ZRANB3: variants seen among roughly 807,000 people sequenced by gnomAD.
ZRANB3 encodes the protein zinc finger RANBP2-type containing 3, also known as DNA annealing helicase and endonuclease ZRANB3.
Under a neutral mutation model 133.8 loss-of-function variants are expected in ZRANB3, and 125 were observed. The ratio of observed to expected loss-of-function variants is 0.93; its 90% CI spans 0.81 to 1.08. The LOEUF (loss-of-function observed/expected upper bound fraction) is 1.08. ZRANB3 is among the 50% of genes least tolerant of loss of function. The pLI, the probability that ZRANB3 is intolerant of heterozygous loss-of-function variation, is 0.00. For synonymous variants in ZRANB3, 387 were observed against 432.7 expected, an observed-to-expected ratio of 0.89 and a Z score of 1.31; for missense variants, 1,229 against 1,275.5, an observed-to-expected ratio of 0.96 and a Z score of 0.56.
chr2:135,245,328 C>G (rs1271683447), intron 12 of ZRANB3, among the ~76,000 whole-genome samples: 1 of 152,142 alleles, frequency 6.6e-6, no homozygotes, highest in Non-Finnish European at 1.5e-5. Flanking sequence ...TGGTTGAGGT[C>G]TCTTTGACAT....
At chr2:135,516,368 T>C (rs1370736142) in intron 1 of ZRANB3, among the ~76,000 whole-genome samples, 2 of 152,216 alleles carry the variant, frequency 1.3e-5, no homozygotes, top group African/African-American at 2.4e-5. Context: ...GTGTTGATGG[T>C]CTTTACAACT....
intron 17 of ZRANB3, among the ~76,000 whole-genome samples, chr2:135,214,428 T>C (rs1297057646): frequency 6.6e-6 from 1 of 152,048 alleles, no homozygotes; most frequent in East Asian, 1.9e-4. Context: ...TGTCTGACTT[T>C]GGTTTTATGA....
At chr2:135,286,948 GT>G (rs1176550684) in intron 8 of ZRANB3, among the ~76,000 whole-genome samples, 2 of 152,096 alleles carry the variant, frequency 1.3e-5, no homozygotes, top group African/African-American at 4.8e-5. Flanking sequence ...ATTTATCTTT[GT>G]TTTTGTTGCA....
intron 8 of ZRANB3, among the ~76,000 whole-genome samples, chr2:135,293,739 A>C (rs1681885136): frequency 6.7e-6 from 1 of 150,316 alleles, no homozygotes; most frequent in African/African-American, 2.5e-5. Context: ...GGTTTGTCAT[A>C]GATAGCTCTT....
intron 2 of ZRANB3, among the ~76,000 whole-genome samples, chr2:135,471,427 A>C (rs922004371): frequency 1.3e-5 from 2 of 152,218 alleles, no homozygotes; most frequent in African/African-American, 2.4e-5. Flanking sequence ...AAATGTGCAA[A>C]CAACCAAATT....
intron 2 of ZRANB3, among the ~76,000 whole-genome samples, chr2:135,428,795 A>T: frequency 6.6e-6 from 1 of 152,204 alleles, no homozygotes. Flanking sequence ...CCTCAACATC[A>T]CTAATTATTA....
Position 135,217,362 on chromosome 2 carries a change from C to T in ZRANB3, c.2495+103G>A, listed in dbSNP as rs181575612. 1.4e-5 allele frequency: 16 copies of T among 1,111,218 alleles called. No homozygotes were observed. The East Asian group carries it at 4.3e-4, about 30-fold the overall frequency. 68.8% of individuals were successfully genotyped at this position (1,111,218 alleles called of 1,614,324 possible). A position where few individuals can be genotyped will look rare whatever the true frequency, so the allele number is the denominator to read the frequency against. ...TTTTATGCATAATTTTCTCATAACT[C>T]ATCAGGATTTCATTAGTGGTTCCAA... On this transcript the variant is annotated intron_variant, in intron 17 of 20. Coordinates refer to ENST00000264159, the MANE Select transcript of ZRANB3 (RefSeq NM_032143.4).
At chr2:135,259,158 T>A (rs1679815956) in intron 12 of ZRANB3, among the ~76,000 whole-genome samples, 1 of 151,908 alleles carries the variant, frequency 6.6e-6, no homozygotes, top group Non-Finnish European at 1.5e-5. Flanking sequence ...TGGCTGGGAC[T>A]ACACGTGTGT....
chr2:135,428,940 T>A (rs1014833603), intron 2 of ZRANB3, among the ~76,000 whole-genome samples: 1 of 152,206 alleles, frequency 6.6e-6, no homozygotes, highest in Non-Finnish European at 1.5e-5. Flanking sequence ...CTTGTGGGAA[T>A]GTAAATTAGT....
At chr2:135,507,921 C>T (rs1693266748) in intron 1 of ZRANB3, among the ~76,000 whole-genome samples, 1 of 151,022 alleles carries the variant, frequency 6.6e-6, no homozygotes, top group Non-Finnish European at 1.5e-5. Context: ...GCATGGATGA[C>T]AGAGCGAGAC....
intron 18 of ZRANB3, among the ~76,000 whole-genome samples, chr2:135,208,173 C>T (rs1210556608): frequency 6.6e-6 from 1 of 152,028 alleles, no homozygotes; most frequent in Non-Finnish European, 1.5e-5. Context: ...AATGTAAAAC[C>T]CCAACCAAAG....
intron 2 of ZRANB3, among the ~76,000 whole-genome samples, chr2:135,503,712 G>A (rs1410696597): frequency 1.3e-5 from 2 of 152,154 alleles, no homozygotes; most frequent in African/African-American, 4.8e-5. Flanking sequence ...TGTAATCCCA[G>A]CACTTTGGGA....
chr2:135,393,605 C>T (rs997330254), intron 2 of ZRANB3, among the ~76,000 whole-genome samples: 2 of 152,052 alleles, frequency 1.3e-5, no homozygotes, highest in East Asian at 1.9e-4. Flanking sequence ...TTTCTCTGGG[C>T]TGGCTTTTGG....
intron 2 of ZRANB3, among the ~76,000 whole-genome samples, chr2:135,501,826 T>A (rs747410794): frequency 6.6e-6 from 1 of 152,192 alleles, no homozygotes; most frequent in Non-Finnish European, 1.5e-5. Context: ...TAAGGTAATG[T>A]TACGTCTCTC....
intron 8 of ZRANB3, among the ~76,000 whole-genome samples, chr2:135,301,496 T>C (rs115366381): frequency 3.8e-3 from 582 of 152,240 alleles, no homozygotes; most frequent in Middle Eastern, 0.01. Flanking sequence ...ATGTTTAATT[T>C]TTTGTAGAGG....
chr2:135,395,447 T>C (rs1687447256), intron 2 of ZRANB3, among the ~76,000 whole-genome samples: 1 of 151,314 alleles, frequency 6.6e-6, no homozygotes, highest in Non-Finnish European at 1.5e-5. Context: ...GATTTCTTTT[T>C]TTTTTTTTTT....
intron 6 of ZRANB3, among the ~76,000 whole-genome samples, chr2:135,328,675 ACAAACACTGTAAAAACATTCCTAT>A (rs1683971228): frequency 6.6e-6 from 1 of 152,182 alleles, no homozygotes; most frequent in Non-Finnish European, 1.5e-5. Flanking sequence ...TTACACTCCC[ACAAACACTGTAAAAACATTCCTAT>A]TTCTCCACGT....
intron 17 of ZRANB3, among the ~76,000 whole-genome samples, chr2:135,213,400 C>G (rs1694181456): frequency 6.6e-6 from 1 of 152,182 alleles, no homozygotes; most frequent in Admixed American, 6.5e-5. Flanking sequence ...CAGCATATTT[C>G]ACATTTGCTT....
At chr2:135,502,548 AAGCATGCAC>A (rs1310936087) in intron 2 of ZRANB3, among the ~76,000 whole-genome samples, 1 of 152,248 alleles carries the variant, frequency 6.6e-6, no homozygotes, top group Non-Finnish European at 1.5e-5. Context: ...ATTGTTAAAG[AAGCATGCAC>A]AGCATCACAG....
Sources: allele counts gnomAD v4.1 joint callset (sites outside exome capture counted in the v4.1 genomes callset), GRCh38; gene constraint gnomAD v4.1.1; transcripts MANE v1.5; gene names NCBI Gene and HGNC (gene_info 2026-07-23, HGNC 2026-07-21).